DCBLD1: variants seen among roughly 807,000 people sequenced by gnomAD.
The protein encoded by DCBLD1 is discoidin, CUB and LCCL domain containing 1, also known as discoidin, CUB and LCCL domain-containing protein 1.
A neutral mutation model predicts 71.5 loss-of-function variants in DCBLD1; 57 were observed. That is an observed-to-expected ratio of 0.80 (90% confidence interval 0.64 to 0.99). DCBLD1 has a LOEUF of 0.99. DCBLD1 is among the 50% of genes least tolerant of loss of function. The pLI is 0.00. For missense variants in DCBLD1, 891 were observed against 923.5 expected, an observed-to-expected ratio of 0.96 and a Z score of 0.46; for synonymous variants, 380 against 363.8, an observed-to-expected ratio of 1.04 and a Z score of -0.51.
chr6:117,548,176 G>C lies in DCBLD1; in HGVS notation c.1885G>C (p.Gly629Arg), dbSNP rs1342326688. The C allele has an allele frequency of 1.9e-6, 3 of 1,550,218 alleles. No homozygotes were observed. In the South Asian group the frequency reaches 3.6e-5, roughly 18 times the overall value. ...SGYRVPGPQP[G>R]HKHSLSSGGF... ...CTACCGCGTCCCAGGGCCCCAGCCC[G>C]GCCACAAACACTCCCTCTCCTCGGG... Residue 629 changes from glycine (G) to arginine (R), a missense_variant, in exon 15 of 15, where the codon GGC (glycine) becomes CGC (arginine). Physicochemically the swap from Gly to Arg is moderately radical, Grantham distance 125. Coordinates refer to ENST00000338728, the MANE Select transcript of DCBLD1 (RefSeq NM_001366458.2).
At chr6:117,537,086 A>C in intron 6 of DCBLD1, 99 bp from the exon 7 acceptor site, 2 of 1,151,788 alleles carry the variant, frequency 1.7e-6, no homozygotes, top group Admixed American at 1.7e-5. Flanking sequence ...GTAAGGAAGC[A>C]CAGGTGGGAA....
intron 2 of DCBLD1, among the ~76,000 whole-genome samples, chr6:117,516,885 T>C (rs972863428): frequency 1.3e-5 from 2 of 152,120 alleles, no homozygotes; most frequent in Non-Finnish European, 2.9e-5. Flanking sequence ...CCTCCATGAT[T>C]TAGTTACCTC....
At chr6:117,526,144 A>G (rs980300274) in intron 5 of DCBLD1, among the ~76,000 whole-genome samples, 1 of 152,206 alleles carries the variant, frequency 6.6e-6, no homozygotes, top group Non-Finnish European at 1.5e-5. Context: ...AATAACCTTT[A>G]TCTACTTGTT....
At chr6:117,543,253 C>G in intron 12 of DCBLD1, 42 bp downstream of exon 12, 1 of 1,583,756 alleles carries the variant, frequency 6.3e-7, no homozygotes, top group Non-Finnish European at 8.7e-7. Flanking sequence ...TCTAATTATG[C>G]GAACAATAAA....
Position 117,548,661 on chromosome 6 carries a change from T to C in DCBLD1, c.*222T>C. 2 of 1,418,956 alleles carry C rather than the reference T, an allele frequency of 1.4e-6. No homozygotes were observed. Among genetic ancestry groups the C allele is most frequent in the South Asian group, 3.1e-5 (2 of 64,272 alleles). 87.9% of individuals were successfully genotyped at this position (1,418,956 alleles called of 1,614,324 possible). On this transcript the variant is annotated 3_prime_UTR_variant, in exon 15 of 15. Coordinates refer to ENST00000338728, the MANE Select transcript of DCBLD1 (RefSeq NM_001366458.2). Reference sequence around the variant, plus strand: ...CCCTTAGGGTGCGTCTGTTGGGTTTTGTTGGGCTAGAAAAATGAAAATTTT... The same window carrying C: ...CCCTTAGGGTGCGTCTGTTGGGTTTCGTTGGGCTAGAAAAATGAAAATTTT...
Position 117,548,951 on chromosome 6 carries a change from T to A in DCBLD1, c.*512T>A, listed in dbSNP as rs1355736048. 1 of 987,696 alleles carries A rather than the reference T, an allele frequency of 1.0e-6. No homozygotes were observed. The highest frequency in any genetic ancestry group is 1.2e-6 in the Non-Finnish European group (1 of 831,536). The allele number at this position is 987,696 out of a possible 1,614,324, so 61.2% of individuals were successfully genotyped here. A position where few individuals can be genotyped will look rare whatever the true frequency, so the allele number is the denominator to read the frequency against. Reference sequence around the variant, plus strand: ...CTTGTTGTTATTGAGTCATTTCCTCTCCTTTGATAACTAGAACTGAAAGCA... The same window carrying A: ...CTTGTTGTTATTGAGTCATTTCCTCACCTTTGATAACTAGAACTGAAAGCA... On this transcript the variant is annotated 3_prime_UTR_variant, in exon 15 of 15. Transcript: ENST00000338728.
chr6:117,532,349 C>T lies in DCBLD1; in HGVS notation c.675C>T (p.Ile225=). ...TCAGTGTGCTTCAGCGCAAAGGGAT[C>T]AGTCGATATGAAGGGATTCTGGCCA... The part of the protein sequence containing the change: ...GQISVLQRKG[I]SRYEGILANG... The change falls in exon 6 of 15, where the codon ATC becomes ATT. Residue 225 remains isoleucine, a synonymous_variant. Transcript: ENST00000338728. 6.2e-7 allele frequency: 1 copy of T among 1,613,372 alleles called. No individual in the cohort carries two copies. The highest frequency in any genetic ancestry group is 8.5e-7 in the Non-Finnish European group (1 of 1,179,820).
intron 14 of DCBLD1, among the ~76,000 whole-genome samples, chr6:117,567,708 T>C (rs1779726201): frequency 6.6e-6 from 1 of 152,012 alleles, no homozygotes; most frequent in South Asian, 2.1e-4. Context: ...ATAATCCTAT[T>C]ATAGTCTCTT....
chr6:117,538,183 C>T (rs958110385), intron 7 of DCBLD1, among the ~76,000 whole-genome samples: 1 of 152,160 alleles, frequency 6.6e-6, no homozygotes, highest in Non-Finnish European at 1.5e-5. Context: ...GTACAACTTA[C>T]TGATGTTCAG....
At chr6:117,559,323 T>TAAG (rs1779539942) in intron 14 of DCBLD1, among the ~76,000 whole-genome samples, 2 of 152,188 alleles carry the variant, frequency 1.3e-5, no homozygotes, top group Admixed American at 1.3e-4. Context: ...ACAATGGAGT[T>TAAG]AAGACCCAAG....
At chr6:117,525,518 A>G in intron 5 of DCBLD1, 84 bp downstream of exon 5, 1 of 1,015,420 alleles carries the variant, frequency 9.8e-7, no homozygotes, top group Non-Finnish European at 1.4e-6. Flanking sequence ...GAGTAAAGTC[A>G]AATGAGATAT....
At chr6:117,544,054 G>A (rs902839257) in intron 12 of DCBLD1, among the ~76,000 whole-genome samples, 7 of 152,192 alleles carry the variant, frequency 4.6e-5, no homozygotes, top group Admixed American at 4.6e-4. Flanking sequence ...ATAGAATGAA[G>A]AATAGTTTCT....
chr6:117,498,659 T>G (rs922444004), intron 1 of DCBLD1, among the ~76,000 whole-genome samples: 2 of 152,184 alleles, frequency 1.3e-5, no homozygotes, highest in Non-Finnish European at 2.9e-5. Context: ...TTAATATTCT[T>G]AGAACTGTGA....
At chr6:117,563,625 G>A (rs1473760375) in intron 14 of DCBLD1, among the ~76,000 whole-genome samples, 1 of 151,968 alleles carries the variant, frequency 6.6e-6, no homozygotes, top group Non-Finnish European at 1.5e-5. Context: ...GGGAGACTGA[G>A]GAAGGAGAAT....
intron 1 of DCBLD1, among the ~76,000 whole-genome samples, chr6:117,485,970 A>T (rs1431506144): frequency 6.6e-6 from 1 of 152,242 alleles, no homozygotes; most frequent in African/African-American, 2.4e-5. Flanking sequence ...TGAGTTATAT[A>T]TTAATATTTC....
intron 14 of DCBLD1, among the ~76,000 whole-genome samples, chr6:117,565,646 T>A (rs1206338883): frequency 6.6e-6 from 1 of 152,138 alleles, no homozygotes; most frequent in Non-Finnish European, 1.5e-5. Flanking sequence ...AAAGCTTAAG[T>A]GTTAGGAAGC....
At chr6:117,544,086 A>G (rs1425434982) in intron 12 of DCBLD1, among the ~76,000 whole-genome samples, 1 of 152,368 alleles carries the variant, frequency 6.6e-6, no homozygotes, top group South Asian at 2.1e-4. Flanking sequence ...AGAAGGTACA[A>G]AAGTCTCTGG....
At chr6:117,551,266 C>CT (rs1329626293), downstream of DCBLD1, among the ~76,000 whole-genome samples, 2 of 151,858 alleles carry the variant, frequency 1.3e-5, no homozygotes, top group Admixed American at 6.6e-5. Flanking sequence ...ATGATCAGCC[C>CT]TTTTTTTTGG....
intron 14 of DCBLD1, among the ~76,000 whole-genome samples, chr6:117,569,187 G>C (rs1405034660): frequency 2.0e-5 from 3 of 152,124 alleles, no homozygotes; most frequent in Non-Finnish European, 4.4e-5. Flanking sequence ...TCTACTTCTA[G>C]CACTGTCTTT....
Sources: gnomAD v4.1 joint callset for allele counts (sites outside exome capture counted in the v4.1 genomes callset) on GRCh38, gnomAD v4.1.1 for gene constraint, MANE v1.5 for transcripts, NCBI Gene and HGNC (gene_info 2026-07-23, HGNC 2026-07-21) for gene names.